The following GRIN2A variants were observed in gnomAD, a reference collection of about 807,000 sequenced individuals.
The protein encoded by GRIN2A is glutamate ionotropic receptor NMDA type subunit 2A, also known as glutamate receptor ionotropic, NMDA 2A.
In GRIN2A, 22 loss-of-function variants were observed where a neutral mutation model predicts 113.4. That is an observed-to-expected ratio of 0.19 (90% CI 0.14 to 0.28). The LOEUF (loss-of-function observed/expected upper bound fraction) is 0.28. Among genes scored for constraint, GRIN2A ranks in the 10% least tolerant of loss-of-function variants. The pLI, the probability that GRIN2A is intolerant of heterozygous loss-of-function variation, is 1.00. For missense variants in GRIN2A, 1,502 were observed against 1,887.0 expected, an observed-to-expected ratio of 0.80 and a Z score of 3.78; for synonymous variants, 827 against 738.4, an observed-to-expected ratio of 1.12 and a Z score of -1.94.
intron 2 of GRIN2A, among the ~76,000 whole-genome samples, chr16:9,951,637 C>T (rs531199916): frequency 6.6e-6 from 1 of 152,242 alleles, no homozygotes; most frequent in Non-Finnish European, 1.5e-5. Flanking sequence ...GGAGCATAAA[C>T]AAGGGGTGGA....
rs571625400 is a variant in GRIN2A at position 9,937,741 on chromosome 16, G to GA, written c.1007+217dup. 2.4e-4 allele frequency: 140 copies of GA among 580,816 alleles called. 2 individuals carry two copies. In the South Asian group the frequency reaches 2.6e-3, roughly 11 times the overall value. The allele number at this position is 580,816 out of a possible 1,614,324, so 36.0% of individuals were successfully genotyped here. ...GGTTTCCAAGATATATTGTTGAGTA[G>GA]AAAAAAAAGTTAAGTTGCAGGAAAC... is the stretch of plus-strand genomic sequence containing the variant. On this transcript the variant is annotated intron_variant, in intron 3 of 12. Transcript: ENST00000330684.
intron 2 of GRIN2A, among the ~76,000 whole-genome samples, chr16:9,984,545 G>A (rs537869711): frequency 1.2e-4 from 18 of 152,294 alleles, no homozygotes; most frequent in African/African-American, 4.3e-4. Flanking sequence ...AGAGATAGAT[G>A]CCTAGTTTCA....
intron 2 of GRIN2A, among the ~76,000 whole-genome samples, chr16:9,967,022 A>C (rs2045568401): frequency 6.6e-6 from 1 of 152,190 alleles, no homozygotes; most frequent in African/African-American, 2.4e-5. Flanking sequence ...CTCACGATGA[A>C]ATTCTCACTA....
chr16:10,114,883 G>A (rs1029570955), intron 2 of GRIN2A, among the ~76,000 whole-genome samples: 1 of 152,186 alleles, frequency 6.6e-6, no homozygotes, highest in East Asian at 1.9e-4. Flanking sequence ...TTTTTGTTTA[G>A]ATATTTTCTA....
intron 3 of GRIN2A, among the ~76,000 whole-genome samples, chr16:9,917,560 C>T (rs2044276216): frequency 6.6e-6 from 1 of 152,224 alleles, no homozygotes; most frequent in African/African-American, 2.4e-5. Flanking sequence ...CACTGTTCTA[C>T]TGCATCGGTT....
chr16:9,865,248 A>G (rs2043143001), intron 4 of GRIN2A, among the ~76,000 whole-genome samples: 1 of 152,158 alleles, frequency 6.6e-6, no homozygotes, highest in Non-Finnish European at 1.5e-5. Flanking sequence ...TTGGGATGGG[A>G]TGGATAAGAC....
chr16:9,815,666 G>T (rs979311062), intron 10 of GRIN2A, among the ~76,000 whole-genome samples: 2 of 152,128 alleles, frequency 1.3e-5, no homozygotes, highest in African/African-American at 4.8e-5. Context: ...GAACCCTTGT[G>T]CACTGTTGGT....
At chr16:10,105,641 C>T (rs762907507) in intron 2 of GRIN2A, among the ~76,000 whole-genome samples, 11 of 152,166 alleles carry the variant, frequency 7.2e-5, no homozygotes, top group Non-Finnish European at 1.3e-4. Context: ...GTGGTTCATG[C>T]TTGTAATTCC....
At chr16:9,809,196 G>T (rs1171024525) in intron 10 of GRIN2A, among the ~76,000 whole-genome samples, 1 of 152,158 alleles carries the variant, frequency 6.6e-6, no homozygotes, top group Non-Finnish European at 1.5e-5. Flanking sequence ...GAAGTGGGTG[G>T]ATTACTGAAG....
intron 2 of GRIN2A, among the ~76,000 whole-genome samples, chr16:9,997,028 T>C (rs1484666290): frequency 6.6e-6 from 1 of 152,162 alleles, no homozygotes; most frequent in Non-Finnish European, 1.5e-5. Flanking sequence ...AAACCATGAT[T>C]TTTTTCATCA....
At chr16:10,073,158 G>T (rs534600605) in intron 2 of GRIN2A, among the ~76,000 whole-genome samples, 1 of 152,152 alleles carries the variant, frequency 6.6e-6, no homozygotes, top group Non-Finnish European at 1.5e-5. Flanking sequence ...GTTTCACCAT[G>T]TTGGCCAAGC....
intron 2 of GRIN2A, among the ~76,000 whole-genome samples, chr16:10,113,793 T>G (rs2048672963): frequency 6.6e-6 from 1 of 152,230 alleles, no homozygotes; most frequent in Admixed American, 6.5e-5. Context: ...CCATTATTGT[T>G]TAATATGTGT....
chr16:10,138,201 G>A (rs1166915349), intron 2 of GRIN2A, among the ~76,000 whole-genome samples: 1 of 152,226 alleles, frequency 6.6e-6, no homozygotes, highest in African/African-American at 2.4e-5. Context: ...GTGTGAGATG[G>A]TTAACACTGA....
In GRIN2A at chr16:9,819,484, T is replaced by C. The variant is rs182373747; in HGVS notation, c.2168+2780A>G. ...CTGCAATAAGCTATGATTACACTACTGTACTCCAACCTGGGTGACAGAGTG... is the reference window on the plus strand; with the variant it reads ...CTGCAATAAGCTATGATTACACTACCGTACTCCAACCTGGGTGACAGAGTG... On this transcript the variant is annotated intron_variant, in intron 10 of 12. Coordinates refer to ENST00000330684, the MANE Select transcript of GRIN2A (RefSeq NM_001134407.3). Among the ~76,000 whole-genome samples, 670 of 150,510 alleles carry C rather than the reference T, an allele frequency of 4.5e-3. 5 individuals are homozygous for C. Among genetic ancestry groups the C allele is most frequent in the African/African-American group, 0.015 (630 of 40,724 alleles).
chr16:9,817,836 A>C (rs1329939025), intron 10 of GRIN2A, among the ~76,000 whole-genome samples: 1 of 152,166 alleles, frequency 6.6e-6, no homozygotes, highest in Non-Finnish European at 1.5e-5. Flanking sequence ...GTGTGGGTGG[A>C]GCAGTGAGAC....
intron 2 of GRIN2A, among the ~76,000 whole-genome samples, chr16:9,961,517 A>G (rs1346534273): frequency 3.3e-5 from 5 of 152,212 alleles, no homozygotes; most frequent in Admixed American, 1.3e-4. Flanking sequence ...AGCAAAACTA[A>G]TCTATGATGA....
At chr16:9,804,670 C>T (rs2041930675) in intron 10 of GRIN2A, among the ~76,000 whole-genome samples, 7 of 151,992 alleles carry the variant, frequency 4.6e-5, no homozygotes, top group Admixed American at 3.3e-4. Flanking sequence ...GATCCCTCTT[C>T]TCCAATGTCT....
intron 2 of GRIN2A, among the ~76,000 whole-genome samples, chr16:10,092,764 C>T (rs1381558149): frequency 6.6e-6 from 1 of 151,980 alleles, no homozygotes; most frequent in Non-Finnish European, 1.5e-5. Flanking sequence ...AACGGTAACT[C>T]AAGTCCCTTC....
At chr16:10,019,844 A>T (rs1028149993) in intron 2 of GRIN2A, among the ~76,000 whole-genome samples, 1 of 152,230 alleles carries the variant, frequency 6.6e-6, no homozygotes, top group African/African-American at 2.4e-5. Flanking sequence ...AGGTGAATGA[A>T]TAAGTTCTGA....
Sources: allele counts gnomAD v4.1 joint callset (sites outside exome capture counted in the v4.1 genomes callset), GRCh38; gene constraint gnomAD v4.1.1; transcripts MANE v1.5; gene names NCBI Gene and HGNC (gene_info 2026-07-23, HGNC 2026-07-21).